AGBL4: variants seen among roughly 807,000 people sequenced by gnomAD.
AGBL4 encodes the protein cytosolic carboxypeptidase 6.
Under a neutral mutation model 66.4 loss-of-function variants are expected in AGBL4, and 58 were observed. That is an observed-to-expected ratio of 0.87 (90% CI 0.71 to 1.09). AGBL4 has a LOEUF of 1.09. Ranked by LOEUF, AGBL4 falls within the 50% of genes least tolerant of loss-of-function variation. The probability of loss-of-function intolerance (pLI) is 0.00; values close to 1 mark genes in which losing one functional copy is unlikely to be tolerated. For missense variants in AGBL4, 579 were observed against 631.0 expected, an observed-to-expected ratio of 0.92 and a Z score of 0.88; for synonymous variants, 234 against 222.9, an observed-to-expected ratio of 1.05 and a Z score of -0.44.
chr1:49,774,244 A>C (rs1198742599), intron 2 of AGBL4, among the ~76,000 whole-genome samples: 1 of 152,156 alleles, frequency 6.6e-6, no homozygotes, highest in Non-Finnish European at 1.5e-5. Flanking sequence ...AGTGATAGGG[A>C]CCACTAAAAG....
intron 2 of AGBL4, among the ~76,000 whole-genome samples, chr1:49,833,794 T>C (rs1184569678): frequency 2.6e-5 from 4 of 152,158 alleles, no homozygotes; most frequent in African/African-American, 9.7e-5. Flanking sequence ...GCTCTCTGTT[T>C]GTCTGTTATT....
At chr1:49,493,797 T>A (rs1557992237) in intron 3 of AGBL4, among the ~76,000 whole-genome samples, 1 of 152,066 alleles carries the variant, frequency 6.6e-6, no homozygotes, top group Non-Finnish European at 1.5e-5. Context: ...TAAATCCTAT[T>A]TTTTAAAATT....
intron 9 of AGBL4, among the ~76,000 whole-genome samples, chr1:48,609,615 G>C (rs78724568): frequency 0.075 from 11,374 of 152,142 alleles, 592 homozygotes; most frequent in Non-Finnish European, 0.1. Flanking sequence ...TACAGATAGG[G>C]TATTGCTATG....
At chr1:49,505,057 G>C (rs1648555289) in intron 3 of AGBL4, among the ~76,000 whole-genome samples, 1 of 151,936 alleles carries the variant, frequency 6.6e-6, no homozygotes, top group Non-Finnish European at 1.5e-5. Context: ...TACATAAAAT[G>C]TTATACAGTA....
intron 9 of AGBL4, among the ~76,000 whole-genome samples, chr1:48,629,549 A>T (rs1161572980): frequency 1.3e-5 from 2 of 152,204 alleles, no homozygotes; most frequent in Non-Finnish European, 2.9e-5. Flanking sequence ...AGACATGGTT[A>T]GATGGTGAGG....
At chr1:49,948,035 T>TAC (rs1491516514) in intron 1 of AGBL4, among the ~76,000 whole-genome samples, 2 of 22,032 alleles carry the variant, frequency 9.1e-5, no homozygotes, top group Non-Finnish European at 1.7e-4. Flanking sequence ...TAAATATATA[T>TAC]ACATATAAAT....
chr1:49,607,021 C>T (rs1363271233), intron 3 of AGBL4, among the ~76,000 whole-genome samples: 2 of 152,102 alleles, frequency 1.3e-5, no homozygotes, highest in African/African-American at 4.8e-5. Context: ...AGCTTGACCT[C>T]CTCCTATCCA....
chr1:48,896,994 A>C (rs1489180736), intron 5 of AGBL4, among the ~76,000 whole-genome samples: 1 of 152,182 alleles, frequency 6.6e-6, no homozygotes, highest in Non-Finnish European at 1.5e-5. Context: ...TCCCTAGTAC[A>C]ACTTTTACAC....
intron 2 of AGBL4, among the ~76,000 whole-genome samples, chr1:49,840,851 C>T (rs1645973075): frequency 6.6e-6 from 1 of 152,076 alleles, no homozygotes; most frequent in African/African-American, 2.4e-5. Flanking sequence ...ACAGACATAC[C>T]TCAACATAAT....
At chr1:49,399,391 A>G (rs1243245985) in intron 3 of AGBL4, among the ~76,000 whole-genome samples, 4 of 151,964 alleles carry the variant, frequency 2.6e-5, no homozygotes, top group Non-Finnish European at 5.9e-5. Flanking sequence ...TATGATAACT[A>G]TATTTTTTGT....
At chr1:49,852,119 A>AT (rs1193688672) in intron 1 of AGBL4, among the ~76,000 whole-genome samples, 12 of 152,160 alleles carry the variant, frequency 7.9e-5, no homozygotes, top group African/African-American at 2.4e-4. Flanking sequence ...TGGAAAGAGC[A>AT]TCCCTTCTAC....
At chr1:49,121,028 G>T (rs1645642271) in intron 4 of AGBL4, among the ~76,000 whole-genome samples, 1 of 152,108 alleles carries the variant, frequency 6.6e-6, no homozygotes, top group Non-Finnish European at 1.5e-5. Flanking sequence ...GTGTCATGAA[G>T]TTCTCATGCC....
At chr1:48,777,346 A>G (rs1645150114) in intron 6 of AGBL4, among the ~76,000 whole-genome samples, 2 of 152,012 alleles carry the variant, frequency 1.3e-5, no homozygotes, top group South Asian at 4.2e-4. Context: ...GGTGGGGGCA[A>G]TCTTGATTGA....
At chr1:49,656,949 A>G (rs1007476345) in intron 3 of AGBL4, among the ~76,000 whole-genome samples, 3 of 152,124 alleles carry the variant, frequency 2.0e-5, no homozygotes, top group Non-Finnish European at 4.4e-5. Context: ...ACTGGTACAA[A>G]ACAGGGATGC....
downstream of AGBL4, among the ~76,000 whole-genome samples, chr1:48,531,398 T>C (rs559062016): frequency 8.5e-5 from 13 of 152,264 alleles, no homozygotes; most frequent in African/African-American, 2.6e-4. Flanking sequence ...GAGGTGATGC[T>C]TCGGAGCATT....
At chr1:48,923,460 G>A (rs1654265387) in intron 5 of AGBL4, among the ~76,000 whole-genome samples, 1 of 152,180 alleles carries the variant, frequency 6.6e-6, no homozygotes, top group Admixed American at 6.5e-5. Context: ...ATTCAGTGGT[G>A]GATCTTGGAA....
chr1:49,217,213 T>C (rs145699432), intron 4 of AGBL4, among the ~76,000 whole-genome samples: 4 of 152,198 alleles, frequency 2.6e-5, no homozygotes, highest in African/African-American at 9.6e-5. Flanking sequence ...ATAATCTAAG[T>C]TATATCAAGT....
At chr1:49,989,530 T>G (rs1659769496) in intron 1 of AGBL4, among the ~76,000 whole-genome samples, 1 of 152,188 alleles carries the variant, frequency 6.6e-6, no homozygotes, top group South Asian at 2.1e-4. Flanking sequence ...ACTTATTTTT[T>G]TCTTCAAAAT....
intron 2 of AGBL4, among the ~76,000 whole-genome samples, chr1:49,847,708 T>G (rs1183186264): frequency 4.6e-5 from 7 of 151,674 alleles, no homozygotes; most frequent in Admixed American, 1.3e-4. Flanking sequence ...TAAACTTGTT[T>G]TTTTTTTTTT....
Sources: gnomAD v4.1 joint callset for allele counts (sites outside exome capture counted in the v4.1 genomes callset) on GRCh38, gnomAD v4.1.1 for gene constraint, MANE v1.5 for transcripts, NCBI Gene and HGNC (gene_info 2026-07-23, HGNC 2026-07-21) for gene names.